GRIA2: variants seen among roughly 807,000 people sequenced by gnomAD.
GRIA2 encodes glutamate ionotropic receptor AMPA type subunit 2, also known as glutamate receptor 2.
A neutral mutation model predicts 97.3 loss-of-function variants in GRIA2; 14 were observed. The ratio of observed to expected loss-of-function variants is 0.14; its 90% CI spans 0.10 to 0.23. The LOEUF (loss-of-function observed/expected upper bound fraction) is 0.23, where lower values mean the gene tolerates loss of function less well. Ranked by LOEUF, GRIA2 falls within the 10% of genes least tolerant of loss-of-function variation. The pLI, the probability that GRIA2 is intolerant of heterozygous loss-of-function variation, is 1.00. For synonymous variants in GRIA2, 412 were observed against 387.8 expected (o/e 1.06, Z -0.73); for missense variants, 558 against 1,069.8 (o/e 0.52, Z 6.67).
At chr4:157,362,294 C>T in intron 14 of GRIA2, 1 of 432,538 alleles carries the variant, frequency 2.3e-6, no homozygotes, top group South Asian at 1.7e-5. Flanking sequence ...TCTTAGCCAT[C>T]TTAGTACTTT....
chr4:157,221,577 A>T (rs1729495051), intron 1 of GRIA2, 90 bp from the exon 2 acceptor site: 3 of 1,317,952 alleles, frequency 2.3e-6, no homozygotes, highest in Non-Finnish European at 3.2e-6. Context: ...TGAATAAGAG[A>T]CTCTTGGATT....
chr4:157,289,960 C>T (rs1290638531), intron 2 of GRIA2, among the ~76,000 whole-genome samples: 3 of 151,768 alleles, frequency 2.0e-5, no homozygotes, highest in African/African-American at 7.3e-5. Context: ...GTTCAAATTT[C>T]AGCCCTACTG....
chr4:157,221,263 GA>G, intron 1 of GRIA2, 133 bp downstream of exon 1: 1 of 657,522 alleles, frequency 1.5e-6, no homozygotes. Flanking sequence ...AAACTACCTA[GA>G]ATATACATGT....
chr4:157,266,005 G>T (rs926606696), intron 2 of GRIA2, among the ~76,000 whole-genome samples: 1 of 152,078 alleles, frequency 6.6e-6, no homozygotes, highest in African/African-American at 2.4e-5. Context: ...GAGAAGCCAT[G>T]GTGACTGCTG....
At chr4:157,257,439 G>A (rs1355845767) in intron 2 of GRIA2, among the ~76,000 whole-genome samples, 4 of 152,066 alleles carry the variant, frequency 2.6e-5, no homozygotes, top group Non-Finnish European at 5.9e-5. Context: ...TGCTTACAAA[G>A]ATCAATGAGC....
chr4:157,229,467 A>G (rs1729903742), intron 2 of GRIA2, among the ~76,000 whole-genome samples: 1 of 152,222 alleles, frequency 6.6e-6, no homozygotes, highest in South Asian at 2.1e-4. Context: ...TCTTCAGCTG[A>G]ATAGAACAAA....
chr4:157,303,498 T>A, intron 2 of GRIA2, 54 bp from the exon 3 acceptor site: 2 of 1,537,980 alleles, frequency 1.3e-6, no homozygotes, highest in Non-Finnish European at 9.0e-7. Flanking sequence ...CAAATTCATA[T>A]GATTGTGTGC....
At chr4:157,348,064 C>T (rs1205202059) in intron 12 of GRIA2, among the ~76,000 whole-genome samples, 3 of 151,468 alleles carry the variant, frequency 2.0e-5, no homozygotes, top group African/African-American at 4.9e-5. Context: ...TGCAGTGAGC[C>T]GGGATCACGC....
At chr4:157,221,197 A>T (rs957380776) in intron 1 of GRIA2, 67 bp downstream of exon 1, 1 of 843,144 alleles carries the variant, frequency 1.2e-6, no homozygotes, top group African/African-American at 1.7e-5. Flanking sequence ...TTCACAGTGT[A>T]CAAATTAATT....
At chr4:157,260,815 C>T (rs750465489) in intron 2 of GRIA2, among the ~76,000 whole-genome samples, 9 of 151,784 alleles carry the variant, frequency 5.9e-5, no homozygotes, top group Non-Finnish European at 1.2e-4. Flanking sequence ...TTTCCTCCCC[C>T]TCCTCCTCTT....
chr4:157,334,848 G>A (rs987886115), intron 9 of GRIA2: 1 of 152,138 alleles, frequency 6.6e-6, no homozygotes, highest in Non-Finnish European at 1.5e-5. Flanking sequence ...AATATTGAGA[G>A]CAGATATAGA....
chr4:157,300,289 T>C (rs1179393399), intron 2 of GRIA2, among the ~76,000 whole-genome samples: 2 of 152,172 alleles, frequency 1.3e-5, no homozygotes, highest in East Asian at 1.9e-4. Context: ...CTATGCTAAA[T>C]TGGGGCAAGC....
chr4:157,336,814 G>T (rs1735307556), intron 11 of GRIA2, 67 bp downstream of exon 11: 1 of 1,470,860 alleles, frequency 6.8e-7, no homozygotes, highest in South Asian at 1.3e-5. Flanking sequence ...GGTGTTTATG[G>T]ATTCACCCTA....
At chr4:157,277,448 G>T (rs925415797) in intron 2 of GRIA2, among the ~76,000 whole-genome samples, 16 of 151,756 alleles carry the variant, frequency 1.1e-4, no homozygotes, top group African/African-American at 3.6e-4. Context: ...GAAACTAGAA[G>T]CTTTATTGCT....
At chr4:157,351,303 GAATAACACTATTAAA>G (rs1286526847) in intron 12 of GRIA2, among the ~76,000 whole-genome samples, 1 of 151,966 alleles carries the variant, frequency 6.6e-6, no homozygotes, top group African/African-American at 2.4e-5. Context: ...TGTGCCAATT[GAATAACACTATTAAA>G]AATAACACTA....
chr4:157,338,087 G>T, intron 11 of GRIA2, among the ~76,000 whole-genome samples: 1 of 133,288 alleles, frequency 7.5e-6, no homozygotes, highest in Non-Finnish European at 1.6e-5. Flanking sequence ...AAATATATAA[G>T]ATTCATAGTT....
intron 6 of GRIA2, among the ~76,000 whole-genome samples, chr4:157,329,329 C>G (rs1423717395): frequency 2.0e-5 from 3 of 151,848 alleles, no homozygotes; most frequent in African/African-American, 7.3e-5. Flanking sequence ...GAATATCAAT[C>G]AATGTATAAA....
chr4:157,312,037 T>A (rs1013021853), intron 3 of GRIA2, among the ~76,000 whole-genome samples: 1 of 152,018 alleles, frequency 6.6e-6, no homozygotes, highest in Non-Finnish European at 1.5e-5. Flanking sequence ...GAGAAATAAC[T>A]GCCACCATCT....
chr4:157,261,879 C>A, intron 2 of GRIA2, among the ~76,000 whole-genome samples: 1 of 152,042 alleles, frequency 6.6e-6, no homozygotes, highest in East Asian at 1.9e-4. Flanking sequence ...GCCTTCAAAT[C>A]AGTTCCTGCA....
Sources: gnomAD v4.1 joint callset for allele counts (sites outside exome capture counted in the v4.1 genomes callset) on GRCh38, gnomAD v4.1.1 for gene constraint, MANE v1.5 for transcripts, NCBI Gene and HGNC (gene_info 2026-07-23, HGNC 2026-07-21) for gene names.